GULP1: variants seen among roughly 807,000 people sequenced by gnomAD.
GULP1 encodes GULP PTB domain containing engulfment adaptor 1.
A neutral mutation model predicts 40.9 loss-of-function variants in GULP1; 19 were observed. The ratio of observed to expected loss-of-function variants is 0.46; its 90% CI spans 0.32 to 0.68. The LOEUF is 0.68. Ranked by LOEUF, GULP1 falls within the 30% of genes least tolerant of loss-of-function variation. GULP1 has a pLI of 0.03. For missense variants in GULP1, 312 were observed against 362.2 expected (o/e 0.86, Z 1.12); for synonymous variants, 119 against 117.6 (o/e 1.01, Z -0.08).
chr2:188,507,744 C>T (rs2064079685), intron 4 of GULP1, among the ~76,000 whole-genome samples: 1 of 151,854 alleles, frequency 6.6e-6, no homozygotes, highest in East Asian at 1.9e-4. Flanking sequence ...ATAAATGAAA[C>T]TACATAGTTC....
chr2:188,297,796 T>C (rs2035306147), intron 1 of GULP1, among the ~76,000 whole-genome samples: 1 of 152,064 alleles, frequency 6.6e-6, no homozygotes, highest in African/African-American at 2.4e-5. Flanking sequence ...AATTAGATAA[T>C]ATCAATTTTA....
At chr2:188,564,086 T>C (rs911220271) in intron 7 of GULP1, among the ~76,000 whole-genome samples, 5 of 151,968 alleles carry the variant, frequency 3.3e-5, no homozygotes, top group Non-Finnish European at 7.4e-5. Context: ...ATAAAATTTA[T>C]AGCATGCTAG....
At chr2:188,338,480 T>G (rs2042562694) in intron 1 of GULP1, among the ~76,000 whole-genome samples, 1 of 151,984 alleles carries the variant, frequency 6.6e-6, no homozygotes, top group African/African-American at 2.4e-5. Context: ...AATTTCTAAG[T>G]TTTTTGTAGT....
intron 9 of GULP1, among the ~76,000 whole-genome samples, chr2:188,579,716 G>T (rs1233168646): frequency 6.6e-6 from 1 of 152,014 alleles, no homozygotes; most frequent in Non-Finnish European, 1.5e-5. Context: ...CCTCTTAATT[G>T]TAGTATATAA....
chr2:188,538,704 T>A (rs918925155), intron 6 of GULP1, among the ~76,000 whole-genome samples: 1 of 151,694 alleles, frequency 6.6e-6, no homozygotes, highest in African/African-American at 2.4e-5. Context: ...AGTGTGTGTG[T>A]GTGTGTGTGT....
At chr2:188,373,111 G>A (rs2047826774) in intron 1 of GULP1, among the ~76,000 whole-genome samples, 2 of 151,592 alleles carry the variant, frequency 1.3e-5, no homozygotes, top group Admixed American at 1.3e-4. Flanking sequence ...TATAATGCAT[G>A]GCCTCTTTCT....
At chr2:188,512,983 AT>A (rs2064753327) in intron 4 of GULP1, among the ~76,000 whole-genome samples, 1 of 152,156 alleles carries the variant, frequency 6.6e-6, no homozygotes, top group South Asian at 2.1e-4. Context: ...GTTTGATAAC[AT>A]TTCTATAGAT....
intron 4 of GULP1, among the ~76,000 whole-genome samples, chr2:188,513,189 T>C (rs141266677): frequency 6.6e-6 from 1 of 152,290 alleles, no homozygotes; most frequent in Admixed American, 6.5e-5. Context: ...AGACATTTAC[T>C]AGTTTGTAAA....
At chr2:188,498,048 T>A (rs1005605573) in intron 4 of GULP1, among the ~76,000 whole-genome samples, 6 of 151,934 alleles carry the variant, frequency 3.9e-5, no homozygotes, top group Admixed American at 2.6e-4. Flanking sequence ...CATTGGCACC[T>A]TGACTTATAC....
intron 1 of GULP1, among the ~76,000 whole-genome samples, chr2:188,366,584 CTTTCT>C (rs1243946263): frequency 7.8e-4 from 104 of 133,936 alleles, no homozygotes; most frequent in Admixed American, 7.3e-3. Context: ...CTTCCAGTTA[CTTTCT>C]TTTTTTTTTT....
At position 188,569,352 on chromosome 2, in the gene GULP1, A is replaced by G. The variant is rs1382436827; in HGVS notation, c.513A>G (p.Lys171=). Residue 171 remains lysine, a synonymous_variant, in exon 8 of 12, where the codon AAA becomes AAG. Coordinates refer to ENST00000409830, the MANE Select transcript of GULP1 (RefSeq NM_016315.4). ...ETRKQIAGLQ[K]RIQDLETENM... ...GAAAACAGATCGCAGGGTTACAAAAAAGAGTGAGTAAACTAAGCTTGTTGT... is the reference window on the plus strand; with the variant it reads ...GAAAACAGATCGCAGGGTTACAAAAGAGAGTGAGTAAACTAAGCTTGTTGT... 7.3e-7 allele frequency: 1 copy of G among 1,377,260 alleles called. No individual in the cohort carries two copies. Among genetic ancestry groups the G allele is most frequent in the East Asian group, 2.3e-5 (1 of 43,766 alleles). The allele number at this position is 1,377,260 out of a possible 1,614,324, so 85.3% of individuals were successfully genotyped here.
In GULP1 at chr2:188,558,685, A is replaced by C. The variant is rs184075831; in HGVS notation, c.400-10554A>C. On this transcript the variant is annotated intron_variant, in intron 7 of 11. Transcript: ENST00000409830. Reference sequence around the variant, plus strand: ...CCTGGAGACTTGTTGAATGGCTTTGACCAAAAGCCTGAATGTGATATGGAC... The same window carrying C: ...CCTGGAGACTTGTTGAATGGCTTTGCCCAAAAGCCTGAATGTGATATGGAC... 1.4e-4 allele frequency among the ~76,000 whole-genome samples: 21 copies of C among 152,282 alleles called. No homozygotes were observed. The East Asian group carries it at 4.1e-3, about 29-fold the overall frequency.
chr2:188,375,305 G>A (rs2048158563), intron 1 of GULP1, among the ~76,000 whole-genome samples: 1 of 152,198 alleles, frequency 6.6e-6, no homozygotes, highest in South Asian at 2.1e-4. Flanking sequence ...TCCTGCAACT[G>A]TGGGAAATTG....
intron 1 of GULP1, among the ~76,000 whole-genome samples, chr2:188,308,396 G>T (rs1196381689): frequency 2.0e-5 from 3 of 152,116 alleles, no homozygotes; most frequent in African/African-American, 4.8e-5. Flanking sequence ...GTATTAAAAT[G>T]AAAACATTAC....
At chr2:188,374,764 A>C (rs1039504915) in intron 1 of GULP1, among the ~76,000 whole-genome samples, 1 of 152,070 alleles carries the variant, frequency 6.6e-6, no homozygotes, top group Admixed American at 6.6e-5. Flanking sequence ...AGAGGAAAAA[A>C]AAAAAAAGTC....
intron 4 of GULP1, among the ~76,000 whole-genome samples, chr2:188,490,126 G>A (rs572264539): frequency 2.0e-5 from 3 of 152,046 alleles, no homozygotes; most frequent in East Asian, 3.9e-4. Flanking sequence ...TTTAAAAAAG[G>A]CAGTATATGT....
chr2:188,480,167 G>GA (rs1334344584), intron 3 of GULP1, among the ~76,000 whole-genome samples: 1 of 152,016 alleles, frequency 6.6e-6, no homozygotes, highest in Non-Finnish European at 1.5e-5. Context: ...AATTTCAGAT[G>GA]AAAAACTTAA....
chr2:188,581,838 A>G (rs1701387789), intron 9 of GULP1, among the ~76,000 whole-genome samples: 1 of 152,228 alleles, frequency 6.6e-6, no homozygotes, highest in Admixed American at 6.5e-5. Context: ...TGTAATAAGG[A>G]CATAATATCA....
Position 188,565,336 on chromosome 2 carries a change from T to C in GULP1, c.400-3903T>C, listed in dbSNP as rs528082670. On this transcript the variant is annotated intron_variant, in intron 7 of 11. Coordinates refer to ENST00000409830, the MANE Select transcript of GULP1 (RefSeq NM_016315.4). Reference sequence around the variant, plus strand: ...AGACTATATAAAAAACTCCTAAAAATCACAAATAAAAAGACAAAACACCTA... The same window carrying C: ...AGACTATATAAAAAACTCCTAAAAACCACAAATAAAAAGACAAAACACCTA... 3.4e-4 allele frequency among the ~76,000 whole-genome samples: 51 copies of C among 151,816 alleles called. No homozygotes were observed. The South Asian group carries it at 8.7e-3, about 26-fold the overall frequency.
Sources: allele counts gnomAD v4.1 joint callset (sites outside exome capture counted in the v4.1 genomes callset), GRCh38; gene constraint gnomAD v4.1.1; transcripts MANE v1.5; gene names NCBI Gene and HGNC (gene_info 2026-07-23, HGNC 2026-07-21).